The following RALGAPA2 variants were observed in gnomAD, a reference collection of about 807,000 sequenced individuals.
RALGAPA2 encodes the protein Ral GTPase activating protein catalytic subunit alpha 2, also known as ral GTPase-activating protein subunit alpha-2.
In RALGAPA2, 139 loss-of-function variants were observed where a neutral mutation model predicts 230.4. The observed-to-expected ratio is 0.60, with a 90% confidence interval of 0.53 to 0.69. RALGAPA2 has a LOEUF of 0.69. RALGAPA2 is among the 30% of genes least tolerant of loss of function. The probability of loss-of-function intolerance (pLI) is 0.00; values close to 1 mark genes in which losing one functional copy is unlikely to be tolerated. For missense variants in RALGAPA2, 2,163 were observed against 2,276.0 expected (o/e 0.95, Z 1.01); for synonymous variants, 847 against 837.8 (o/e 1.01, Z -0.19).
chr20:20,550,358 A>G (rs555804154), intron 23 of RALGAPA2, among the ~76,000 whole-genome samples: 9 of 152,348 alleles, frequency 5.9e-5, no homozygotes, highest in African/African-American at 1.7e-4. Flanking sequence ...ACAGTAATCA[A>G]TGCTGCTAAA....
intron 16 of RALGAPA2, among the ~76,000 whole-genome samples, chr20:20,591,995 C>A (rs925091866): frequency 6.6e-6 from 1 of 152,130 alleles, no homozygotes; most frequent in Admixed American, 6.5e-5. Context: ...TTCCCCCCAG[C>A]TCATTTCTAA....
chr20:20,504,126 A>G (rs1476942211), intron 34 of RALGAPA2, among the ~76,000 whole-genome samples: 1 of 152,244 alleles, frequency 6.6e-6, no homozygotes, highest in Non-Finnish European at 1.5e-5. Flanking sequence ...GAAAAAAGAA[A>G]TAGAAGAATC....
chr20:20,609,062 A>T (rs1251965511), intron 14 of RALGAPA2, among the ~76,000 whole-genome samples: 1 of 152,170 alleles, frequency 6.6e-6, no homozygotes, highest in East Asian at 1.9e-4. Context: ...TGATGCAATC[A>T]TAGCTTGCTT....
intron 3 of RALGAPA2, among the ~76,000 whole-genome samples, chr20:20,675,773 GATTTATATATATATGT>G (rs1289082811): frequency 9.2e-5 from 14 of 152,060 alleles, no homozygotes; most frequent in African/African-American, 1.4e-4. Context: ...TTGCATGTCA[GATTTATATATATATGT>G]ATTTATATAT....
chr20:20,690,152 A>G (rs2068851712), intron 1 of RALGAPA2, among the ~76,000 whole-genome samples: 1 of 152,202 alleles, frequency 6.6e-6, no homozygotes, highest in South Asian at 2.1e-4. Flanking sequence ...TATACTTTCA[A>G]TCTGCACCCA....
Position 20,524,413 on chromosome 20 carries a change from A to G in RALGAPA2, c.3893T>C (p.Ile1298Thr). Residue 1298 changes from isoleucine (I) to threonine (T), a missense_variant, in exon 30 of 40, where the codon ATC (isoleucine) becomes ACC (threonine). Transcript: ENST00000202677. ...HSARAPLLDY[I>T]YRVLHCCVCG... ...GCCCAGGTGTAGACTCACCCTGTAGATATAATCCAGCAAGGGGGCTCTGGC... is the reference window on the plus strand; with the variant it reads ...GCCCAGGTGTAGACTCACCCTGTAGGTATAATCCAGCAAGGGGGCTCTGGC... 6.2e-7 allele frequency: 1 copy of G among 1,613,628 alleles called. No individual in the cohort carries two copies. Among genetic ancestry groups the G allele is most frequent in the Non-Finnish European group, 8.5e-7 (1 of 1,179,730 alleles).
intron 17 of RALGAPA2, among the ~76,000 whole-genome samples, chr20:20,589,848 AG>A (rs1490886551): frequency 6.6e-6 from 1 of 152,050 alleles, no homozygotes; most frequent in African/African-American, 2.4e-5. Flanking sequence ...TGATCATAAG[AG>A]GATTTTATGA....
At chr20:20,408,347 T>C (rs974137599) in intron 38 of RALGAPA2, among the ~76,000 whole-genome samples, 8 of 152,218 alleles carry the variant, frequency 5.3e-5, no homozygotes, top group Middle Eastern at 3.2e-3. Context: ...TGGGGATTGA[T>C]TGATCAACAG....
At chr20:20,649,262 G>A (rs2067316607) in intron 4 of RALGAPA2, among the ~76,000 whole-genome samples, 1 of 152,138 alleles carries the variant, frequency 6.6e-6, no homozygotes, top group Non-Finnish European at 1.5e-5. Flanking sequence ...GGTATGGTAT[G>A]GTCTGAATGA....
At chr20:20,520,869 T>A in intron 31 of RALGAPA2, 48 bp downstream of exon 31, 1 of 1,432,690 alleles carries the variant, frequency 7.0e-7, no homozygotes, top group South Asian at 1.4e-5. Flanking sequence ...AAAGGCTAAA[T>A]CCTTCCTTTT....
At chr20:20,414,865 C>A (rs1259151703) in intron 37 of RALGAPA2, among the ~76,000 whole-genome samples, 1 of 152,238 alleles carries the variant, frequency 6.6e-6, no homozygotes, top group African/African-American at 2.4e-5. Flanking sequence ...GGAGTGTTAA[C>A]AGTGCTAAAC....
At chr20:20,571,302 T>A (rs2064625749) in intron 23 of RALGAPA2, among the ~76,000 whole-genome samples, 156 bp downstream of exon 23, 1 of 152,224 alleles carries the variant, frequency 6.6e-6, no homozygotes, top group African/African-American at 2.4e-5. Flanking sequence ...GATTTACATT[T>A]TTGAAAGACC....
chr20:20,436,860 T>C (rs545734504), intron 37 of RALGAPA2, among the ~76,000 whole-genome samples: 2 of 152,344 alleles, frequency 1.3e-5, no homozygotes, highest in South Asian at 2.1e-4. Context: ...CACACTCATG[T>C]GCCATGCCTG....
intron 8 of RALGAPA2, 32 bp from the exon 9 acceptor site, chr20:20,635,649 G>C: frequency 3.5e-6 from 5 of 1,433,846 alleles, no homozygotes; most frequent in Non-Finnish European, 4.7e-6. Context: ...GATTGATTAG[G>C]TTAATAAATC....
chr20:20,493,091 C>T (rs1212705448), intron 36 of RALGAPA2, among the ~76,000 whole-genome samples: 4 of 152,174 alleles, frequency 2.6e-5, no homozygotes, highest in Non-Finnish European at 5.9e-5. Flanking sequence ...GCCATGGATT[C>T]TGTAACCTGA....
chr20:20,678,932 A>G (rs1351404791), intron 2 of RALGAPA2, among the ~76,000 whole-genome samples: 1 of 151,912 alleles, frequency 6.6e-6, no homozygotes, highest in African/African-American at 2.4e-5. Context: ...CATGCCTTCA[A>G]TTCTCTCTCC....
At chr20:20,414,268 G>A (rs2060122474) in intron 37 of RALGAPA2, among the ~76,000 whole-genome samples, 1 of 152,138 alleles carries the variant, frequency 6.6e-6, no homozygotes, top group African/African-American at 2.4e-5. Flanking sequence ...TGTGGGCCTG[G>A]GTTAGAGCAA....
chr20:20,394,896 A>AG (rs1330029656), intron 39 of RALGAPA2, among the ~76,000 whole-genome samples: 6 of 149,322 alleles, frequency 4.0e-5, no homozygotes, highest in Non-Finnish European at 5.9e-5. Flanking sequence ...AAGCAAAAAA[A>AG]AAAAAAAAAA....
At chr20:20,684,343 C>G (rs1024973250) in intron 1 of RALGAPA2, among the ~76,000 whole-genome samples, 4 of 152,144 alleles carry the variant, frequency 2.6e-5, no homozygotes, top group Non-Finnish European at 4.4e-5. Flanking sequence ...GGGAGATCAA[C>G]AAGTCCCCAT....
Sources: gnomAD v4.1 joint callset for allele counts (sites outside exome capture counted in the v4.1 genomes callset) on GRCh38, gnomAD v4.1.1 for gene constraint, MANE v1.5 for transcripts, NCBI Gene and HGNC (gene_info 2026-07-23, HGNC 2026-07-21) for gene names.